Variants in ARHGEF28 observed in about 807,000 individuals in gnomAD.
ARHGEF28 encodes the protein 190 kDa guanine nucleotide exchange factor.
A neutral mutation model predicts 206.6 loss-of-function variants in ARHGEF28; 152 were observed. The ratio of observed to expected loss-of-function variants is 0.74; its 90% CI spans 0.64 to 0.84. The LOEUF (loss-of-function observed/expected upper bound fraction) is 0.84. Ranked by LOEUF, ARHGEF28 falls within the 40% of genes least tolerant of loss-of-function variation. The pLI is 0.00. For missense variants in ARHGEF28, 2,028 were observed against 2,073.2 expected, an observed-to-expected ratio of 0.98 and a Z score of 0.42; for synonymous variants, 763 against 776.4, an observed-to-expected ratio of 0.98 and a Z score of 0.29.
chr5:73,840,686 G>A lies in ARHGEF28; in HGVS notation c.1353G>A (p.Ser451=), dbSNP rs760717808. The change falls in exon 11 of 36, where the codon TCG becomes TCA. Residue 451 remains serine (S), a synonymous_variant. Transcript: ENST00000513042. The part of the protein sequence containing the change: ...AQQSFMSPSS[S]CASNLNLSFG... ...AGTCCTTCATGTCACCATCAAGTTC[G>A]TGTGCTTCCAACTTGAATCTTTCTT... The A allele has an allele frequency of 3.6e-5, 58 of 1,612,850 alleles. No individual in the cohort carries two copies. Among genetic ancestry groups the A allele is most frequent in the Non-Finnish European group, 4.6e-5 (54 of 1,179,428 alleles).
intron 7 of ARHGEF28, among the ~76,000 whole-genome samples, chr5:73,786,933 A>G (rs1470388650): frequency 2.0e-5 from 3 of 152,200 alleles, no homozygotes; most frequent in African/African-American, 4.8e-5. Flanking sequence ...TTCTGTAGAC[A>G]AGGGTGCAGC....
At chr5:73,776,435 A>G in intron 5 of ARHGEF28, 81 bp from the exon 6 acceptor site, 1 of 1,288,750 alleles carries the variant, frequency 7.8e-7, no homozygotes, top group South Asian at 1.8e-5. Flanking sequence ...TTGTAAGATC[A>G]GGGGCAGTGA....
At chr5:73,760,477 C>T (rs1752545383) in intron 4 of ARHGEF28, among the ~76,000 whole-genome samples, 2 of 152,266 alleles carry the variant, frequency 1.3e-5, no homozygotes, top group South Asian at 2.1e-4. Context: ...AACATCTCTA[C>T]ACCTTTTCTG....
At chr5:73,866,297 A>G (rs565627156) in intron 18 of ARHGEF28, among the ~76,000 whole-genome samples, 1 of 152,362 alleles carries the variant, frequency 6.6e-6, no homozygotes, top group East Asian at 1.9e-4. Flanking sequence ...GATGCTGTCT[A>G]GTGGAATATG....
In ARHGEF28 at chr5:73,751,680, T is replaced by C. The variant is rs117566283; in HGVS notation, c.182-1229T>C. 6.8e-4 allele frequency among the ~76,000 whole-genome samples: 104 copies of C among 152,270 alleles called. 1 individual carries two copies. In the East Asian group the frequency reaches 0.019, roughly 28 times the overall value. ...TCCTCCTTCCTTAGGAGGAAGGTAA[T>C]ATAATCTTTTGTTTATATTGTGGTC... is the stretch of plus-strand genomic sequence containing the variant. On this transcript the variant is annotated intron_variant, in intron 3 of 35. Coordinates refer to ENST00000513042, the MANE Select transcript of ARHGEF28 (RefSeq NM_001177693.2).
chr5:73,804,015 T>C (rs1755288078), intron 9 of ARHGEF28, among the ~76,000 whole-genome samples: 1 of 144,968 alleles, frequency 6.9e-6, no homozygotes, highest in South Asian at 2.1e-4. Flanking sequence ...AGCCCAGGAG[T>C]TCAAGGCTGC....
chr5:73,758,563 A>T (rs917281224), intron 4 of ARHGEF28, among the ~76,000 whole-genome samples: 1 of 150,236 alleles, frequency 6.7e-6, no homozygotes, highest in Non-Finnish European at 1.5e-5. Context: ...TTTTATTTTT[A>T]TTTTTTTTTT....
chr5:73,901,145 G>A lies in ARHGEF28; in HGVS notation c.3974-39G>A, dbSNP rs531136542. On this transcript the variant is annotated intron_variant, in intron 30 of 35. Transcript: ENST00000513042. ...CCCGGTGGGCTGGCCGATGTTTGAC[G>A]CTGTCCTTTTTGTTTCTGTCTCGAT... 1.1e-4 allele frequency: 175 copies of A among 1,572,002 alleles called. 8 individuals are homozygous for A. In the South Asian group the frequency reaches 1.9e-3, roughly 17 times the overall value.
At chr5:73,802,870 CTGTGTGTGTGTGTGTGTGTGTGTG>C (rs561505395) in intron 9 of ARHGEF28, among the ~76,000 whole-genome samples, 6 of 122,172 alleles carry the variant, frequency 4.9e-5, no homozygotes, top group East Asian at 2.5e-4. Flanking sequence ...AGCTCGATTG[CTGTGTGTGTGTGTGTGTGTGTGTG>C]TGTGTGTGTG....
chr5:73,656,209 G>A (rs1833513), intron 1 of ARHGEF28, among the ~76,000 whole-genome samples: 25,386 of 152,106 alleles, frequency 0.17, 2,776 homozygotes, highest in Non-Finnish European at 0.24. Flanking sequence ...TTGTTCCTAC[G>A]TGTGCTTTGG....
chr5:73,627,539 C>T (rs575868960), intron 1 of ARHGEF28, among the ~76,000 whole-genome samples: 1 of 152,118 alleles, frequency 6.6e-6, no homozygotes, highest in African/African-American at 2.4e-5. Context: ...CTAGATCTGT[C>T]CTGGGTTTTT....
chr5:73,740,572 C>T (rs1751320087), intron 2 of ARHGEF28, among the ~76,000 whole-genome samples: 1 of 152,144 alleles, frequency 6.6e-6, no homozygotes, highest in Non-Finnish European at 1.5e-5. Flanking sequence ...CATGTCTAAT[C>T]CTATGTCTGC....
At chr5:73,719,281 G>T (rs572518851) in intron 2 of ARHGEF28, among the ~76,000 whole-genome samples, 1 of 152,032 alleles carries the variant, frequency 6.6e-6, no homozygotes, top group Non-Finnish European at 1.5e-5. Context: ...CATGGTGGCA[G>T]GCACCTGTAG....
In ARHGEF28 at chr5:73,749,936, A is replaced by C. The variant is rs200289106; in HGVS notation, c.133A>C (p.Met45Leu). 13 of 1,613,924 alleles carry C rather than the reference A, an allele frequency of 8.1e-6. No homozygotes were observed. The South Asian group carries it at 1.4e-4, about 18-fold the overall frequency. ...TGACGGATCTCATCAGCGACATGTCATGATTGCAGAGCGCATCGAGGATAA... is the reference window on the plus strand; with the variant it reads ...TGACGGATCTCATCAGCGACATGTCCTGATTGCAGAGCGCATCGAGGATAA... ...TYDGSHQRHV[M>L]IAERIEDNVL... is the part of the protein sequence containing the mutation. The change falls in exon 3 of 36, where the codon ATG becomes CTG. Residue 45 changes from methionine (M) to leucine (L), a missense_variant. By Grantham distance (15) the Met-to-Leu change is conservative. Coordinates refer to ENST00000513042, the MANE Select transcript of ARHGEF28 (RefSeq NM_001177693.2).
chr5:73,643,347 A>G (rs906551547), intron 1 of ARHGEF28, among the ~76,000 whole-genome samples: 1 of 152,222 alleles, frequency 6.6e-6, no homozygotes, highest in Non-Finnish European at 1.5e-5. Flanking sequence ...AATATCTTTT[A>G]AACTGAAATT....
intron 4 of ARHGEF28, among the ~76,000 whole-genome samples, chr5:73,771,555 A>AG (rs2112442845): frequency 6.6e-6 from 1 of 152,052 alleles, no homozygotes; most frequent in East Asian, 1.9e-4. Context: ...CTCAAAAAAA[A>AG]AAAAGGAGAG....
intron 6 of ARHGEF28, chr5:73,780,424 G>A: frequency 2.1e-6 from 1 of 466,058 alleles, no homozygotes; most frequent in East Asian, 3.8e-5. Context: ...CTTCTGCTTG[G>A]TGTGACCTGC....
At position 73,868,006 on chromosome 5, in the gene ARHGEF28, C is replaced by T. The variant is rs2931423; in HGVS notation, c.2283C>T (p.Gly761=). The stretch of plus-strand genomic sequence containing the variant: ...ATCCATTGTCCAGAAGTGTTCCAGG[C>T]ACCACCTTGGAAAGGTAAGGCTGAG... ...QVHPLSRSVP[G]TTLESFRRSA... is the part of the protein sequence containing the mutation. The change falls in exon 19 of 36, where the codon GGC becomes GGT. Residue 761 remains glycine, a synonymous_variant. Transcript: ENST00000513042. 0.31 allele frequency: 503,081 copies of T among 1,613,324 alleles called. 81,160 individuals are homozygous for T. The highest frequency in any genetic ancestry group is 0.43 in the Admixed American group (26,052 of 59,952).
In ARHGEF28 at chr5:73,803,093, G is replaced by A. The variant is rs892869161; in HGVS notation, c.1024+7702G>A. Among the ~76,000 whole-genome samples the A allele has an allele frequency of 4.6e-5, 7 of 152,062 alleles. No homozygotes were observed. The East Asian group carries it at 5.8e-4, about 13-fold the overall frequency. On this transcript the variant is annotated intron_variant, in intron 9 of 35. Transcript: ENST00000513042. ...AATTTAAAGAACATTTTTATGAAACGTGGCTCCTTACTTGAAGCATGGGCA... is the reference window on the plus strand; with the variant it reads ...AATTTAAAGAACATTTTTATGAAACATGGCTCCTTACTTGAAGCATGGGCA...
Sources: gnomAD v4.1 joint callset for allele counts (sites outside exome capture counted in the v4.1 genomes callset) on GRCh38, gnomAD v4.1.1 for gene constraint, MANE v1.5 for transcripts, NCBI Gene and HGNC (gene_info 2026-07-23, HGNC 2026-07-21) for gene names.